ANKRD30A: variants seen among roughly 807,000 people sequenced by gnomAD.
ANKRD30A encodes the protein ankyrin repeat domain-containing protein 30A.
A neutral mutation model predicts 166.3 loss-of-function variants in ANKRD30A; 170 were observed. The ratio of observed to expected loss-of-function variants is 1.02; its 90% confidence interval spans 0.90 to 1.16. The LOEUF (loss-of-function observed/expected upper bound fraction) is 1.16. ANKRD30A is among the 50% of genes most tolerant of loss of function. ANKRD30A has a pLI of 0.00. For synonymous variants in ANKRD30A, 564 were observed against 508.9 expected (o/e 1.11, Z -1.46); for missense variants, 1,630 against 1,518.0 (o/e 1.07, Z -1.23).
At chr10:37,217,386 G>A (rs886473994) in intron 32 of ANKRD30A, among the ~76,000 whole-genome samples, 1 of 150,888 alleles carries the variant, frequency 6.6e-6, no homozygotes, top group Non-Finnish European at 1.5e-5. Flanking sequence ...GACTGCGTGA[G>A]ATTTTTAAAA....
At chr10:37,257,769 G>A in the ANKRD30A span, among the ~76,000 whole-genome samples, 1 of 152,072 alleles carries the variant, frequency 6.6e-6, no homozygotes, top group Admixed American at 6.6e-5. Context: ...AGTACACCAT[G>A]GAATACTATG....
the ANKRD30A span, among the ~76,000 whole-genome samples, chr10:37,245,408 A>C: frequency 6.6e-6 from 1 of 152,078 alleles, no homozygotes; most frequent in South Asian, 2.1e-4. Context: ...TTTGTAGTTC[A>C]AGAGGTTTTA....
At chr10:37,148,029 G>C (rs1935661926) in intron 9 of ANKRD30A, among the ~76,000 whole-genome samples, 2 of 126,580 alleles carry the variant, frequency 1.6e-5, no homozygotes, top group Admixed American at 1.6e-4. Context: ...ATGCATAGGT[G>C]TGCATCTATA....
At chr10:37,241,922 T>A in the ANKRD30A span, 1 of 152,180 alleles carries the variant, frequency 6.6e-6, no homozygotes, top group African/African-American at 2.4e-5. Context: ...TTGCTGACGC[T>A]CTACCGTGAT....
At chr10:37,198,712 A>G (rs1428628321) in intron 29 of ANKRD30A, among the ~76,000 whole-genome samples, 4 of 152,090 alleles carry the variant, frequency 2.6e-5, no homozygotes, top group East Asian at 1.9e-4. Flanking sequence ...TGCATGAAAT[A>G]TGAACGTTAG....
chr10:37,134,490 T>C (rs1836558265), intron 5 of ANKRD30A, among the ~76,000 whole-genome samples: 1 of 152,228 alleles, frequency 6.6e-6, no homozygotes, highest in Non-Finnish European at 1.5e-5. Flanking sequence ...CCACTGAAAC[T>C]GCCCCTGCAG....
At chr10:37,179,053 TATATATATATA>T (rs1564529240) in intron 24 of ANKRD30A, among the ~76,000 whole-genome samples, 29 of 140,392 alleles carry the variant, frequency 2.1e-4, no homozygotes, top group African/African-American at 7.4e-4. Flanking sequence ...TATATATATA[TATATATATATA>T]GATGTGTGCA....
chr10:37,198,387 A>G (rs762252195), intron 29 of ANKRD30A, among the ~76,000 whole-genome samples: 7 of 152,154 alleles, frequency 4.6e-5, no homozygotes, highest in Non-Finnish European at 1.0e-4. Flanking sequence ...ATTCCATTTT[A>G]TGACAGTACC....
rs1427873135 is a variant in ANKRD30A at position 37,216,227 on chromosome 10, A to G, written c.2916A>G (p.Glu972=). The change falls in exon 32 of 36, where the codon GAA becomes GAG. Residue 972 remains glutamate, a synonymous_variant. Transcript: ENST00000361713. ...TCTTGGATACAGTTCATTCTTGTGAAAGAGCAAGGGAACTTCAAAAAGATC... is the reference window on the plus strand; with the variant it reads ...TCTTGGATACAGTTCATTCTTGTGAGAGAGCAAGGGAACTTCAAAAAGATC... ...SKILDTVHSC[E]RARELQKDHC... 6.2e-7 allele frequency: 1 copy of G among 1,607,230 alleles called. No homozygotes were observed. Among genetic ancestry groups the G allele is most frequent in the Non-Finnish European group, 8.5e-7 (1 of 1,175,342 alleles).
intron 31 of ANKRD30A, among the ~76,000 whole-genome samples, chr10:37,215,959 A>G (rs766719439): frequency 6.6e-6 from 1 of 150,430 alleles, no homozygotes; most frequent in Non-Finnish European, 1.5e-5. Context: ...CTGAATTTAT[A>G]ATTGTCACTT....
chr10:37,162,821 T>C lies in ANKRD30A; in HGVS notation c.1975T>C (p.Leu659=), dbSNP rs777918059. The C allele has an allele frequency of 6.2e-7, 1 of 1,613,688 alleles. No individual in the cohort carries two copies. The highest frequency in any genetic ancestry group is 2.2e-5 in the East Asian group (1 of 44,852). Residue 659 remains leucine (L), a synonymous_variant, in exon 17 of 36, where the codon TTG becomes CTG. Coordinates refer to ENST00000361713, the MANE Select transcript of ANKRD30A (RefSeq NM_052997.3). ...QKSVPNKALE[L]KNEQTLRADE... ...GTCTGTCCCAAATAAAGCCTTGGAA[T>C]TGAAAAATGAACAAACATTGAGAGC...
Position 37,231,625 on chromosome 10 carries a change from T to C in ANKRD30A, c.*156T>C. The C allele has an allele frequency of 2.1e-6, 1 of 470,078 alleles. No individual in the cohort carries two copies. Among genetic ancestry groups the C allele is most frequent in the Non-Finnish European group, 3.7e-6 (1 of 271,998 alleles). 29.1% of individuals were successfully genotyped at this position (470,078 alleles called of 1,614,324 possible). A position where few individuals can be genotyped will look rare whatever the true frequency, so the allele number is the denominator to read the frequency against. On this transcript the variant is annotated 3_prime_UTR_variant, in exon 35 of 36. Coordinates refer to ENST00000361713, the MANE Select transcript of ANKRD30A (RefSeq NM_052997.3). The stretch of plus-strand genomic sequence containing the variant: ...CTTATTTTAGAAGAAAAATTCATGA[T>C]TTCTTCCTGAAGCCTACAGACATAA...
At chr10:37,132,613 T>C (rs1836445701) in intron 4 of ANKRD30A, among the ~76,000 whole-genome samples, 1 of 152,230 alleles carries the variant, frequency 6.6e-6, no homozygotes, top group African/African-American at 2.4e-5. Flanking sequence ...TGTATTAGTT[T>C]TAAGAAGTAT....
intron 30 of ANKRD30A, 78 bp downstream of exon 30, chr10:37,199,866 T>G: frequency 2.3e-6 from 2 of 872,280 alleles, no homozygotes; most frequent in Middle Eastern, 2.4e-4. Context: ...TAGACTTTAT[T>G]TTCTCACCTC....
chr10:37,253,341 T>G, the ANKRD30A span, among the ~76,000 whole-genome samples: 1 of 152,218 alleles, frequency 6.6e-6, no homozygotes. Flanking sequence ...ATAGCTTTAT[T>G]GAGATACAAC....
Position 37,158,381 on chromosome 10 carries a change from T to C in ANKRD30A, c.1799-11T>C, listed in dbSNP as rs771606238. 6.2e-7 allele frequency: 1 copy of C among 1,607,122 alleles called. No homozygotes were observed. Among genetic ancestry groups the C allele is most frequent in the Non-Finnish European group, 8.5e-7 (1 of 1,175,002 alleles). ...GCATATAATCAATTATGTATGTCCC[T>C]TTTCTTATAGAGTCTCCTAATAAAG... On this transcript the variant is annotated splice_polypyrimidine_tract_variant and intron_variant, in intron 13 of 35. Coordinates refer to ENST00000361713, the MANE Select transcript of ANKRD30A (RefSeq NM_052997.3).
chr10:37,213,153 G>T (rs1267079732), intron 31 of ANKRD30A, among the ~76,000 whole-genome samples: 1 of 151,504 alleles, frequency 6.6e-6, no homozygotes, highest in East Asian at 1.9e-4. Context: ...AGTTCTCTTT[G>T]CCTATTATTT....
chr10:37,208,024 T>TGGTCTGATA (rs772778827), intron 31 of ANKRD30A, among the ~76,000 whole-genome samples: 7 of 152,184 alleles, frequency 4.6e-5, no homozygotes, highest in South Asian at 2.1e-4. Flanking sequence ...TCAGACATAG[T>TGGTCTGATA]GTGTTTTTTG....
At chr10:37,224,774 C>T (rs555238632) in intron 34 of ANKRD30A, among the ~76,000 whole-genome samples, 3 of 151,544 alleles carry the variant, frequency 2.0e-5, no homozygotes, top group African/African-American at 7.2e-5. Context: ...CTACAACAGT[C>T]GTGAAGTCTT....
Sources: allele counts gnomAD v4.1 joint callset (sites outside exome capture counted in the v4.1 genomes callset), GRCh38; gene constraint gnomAD v4.1.1; transcripts MANE v1.5; gene names NCBI Gene and HGNC (gene_info 2026-07-23, HGNC 2026-07-21).